ZNF74: variants seen among roughly 807,000 people sequenced by gnomAD.
The protein encoded by ZNF74 is zinc finger protein 520.
In ZNF74, 12 loss-of-function variants were observed where a neutral mutation model predicts 17.7. The ratio of observed to expected loss-of-function variants is 0.68; its 90% CI spans 0.43 to 1.10. The LOEUF (loss-of-function observed/expected upper bound fraction) is 1.10. Among genes scored for constraint, ZNF74 ranks in the 50% least tolerant of loss-of-function variants. The probability of loss-of-function intolerance (pLI) is 0.00; values close to 1 mark genes in which losing one functional copy is unlikely to be tolerated. For missense variants in ZNF74, 811 were observed against 881.0 expected, an observed-to-expected ratio of 0.92 and a Z score of 1.01; for synonymous variants, 358 against 362.1, an observed-to-expected ratio of 0.99 and a Z score of 0.13.
chr22:20,405,730 C>A lies in ZNF74; in HGVS notation c.697C>A (p.Pro233Thr), dbSNP rs758699239. The change falls in exon 5 of 5, where the codon CCC becomes ACC. Residue 233 changes from proline to threonine, a missense_variant. Around this residue, in one of 3 missense-constraint regions of ZNF74, gnomAD observed 666 missense variants for 702.3 expected, o/e 0.95. Coordinates refer to ENST00000400451, the MANE Select transcript of ZNF74 (RefSeq NM_003426.4). ...CACGCCAAGTGAGCCAGAAAAGTTC[C>A]CCCAGGTGCGCCGGCAGCGCGGGGC... ...ASTPSEPEKF[P>T]QVRRQRGAGA... 12 of 1,603,354 alleles carry A rather than the reference C, an allele frequency of 7.5e-6. No homozygotes were observed. The highest frequency in any genetic ancestry group is 1.0e-5 in the Non-Finnish European group (12 of 1,175,470).
Position 20,394,534 on chromosome 22 carries a change from C to G in ZNF74, c.-95C>G. Reference sequence around the variant, plus strand: ...CCGCGGGGCTCCGCTGCAGGCCCCTCAGCCCCAGGAGCAGTACTCGCTCTT... The same window carrying G: ...CCGCGGGGCTCCGCTGCAGGCCCCTGAGCCCCAGGAGCAGTACTCGCTCTT... On this transcript the variant is annotated 5_prime_UTR_variant, in exon 1 of 5. Transcript: ENST00000400451. The G allele has an allele frequency of 1.5e-6, 2 of 1,365,870 alleles. No homozygotes were observed. Among genetic ancestry groups the G allele is most frequent in the South Asian group, 2.4e-5 (2 of 84,060 alleles). The allele number at this position is 1,365,870 out of a possible 1,614,324, so 84.6% of individuals were successfully genotyped here. A position where few individuals can be genotyped will look rare whatever the true frequency, so the allele number is the denominator to read the frequency against.
At position 20,407,064 on chromosome 22, in the gene ZNF74, C is replaced by T; in HGVS notation, c.*96C>T. 6.8e-7 allele frequency: 1 copy of T among 1,462,862 alleles called. No individual in the cohort carries two copies. Among genetic ancestry groups the T allele is most frequent in the South Asian group, 1.4e-5 (1 of 69,842 alleles). 90.6% of individuals were successfully genotyped at this position (1,462,862 alleles called of 1,614,324 possible). A position where few individuals can be genotyped will look rare whatever the true frequency, so the allele number is the denominator to read the frequency against. On this transcript the variant is annotated 3_prime_UTR_variant, in exon 5 of 5. Coordinates refer to ENST00000400451, the MANE Select transcript of ZNF74 (RefSeq NM_003426.4). ...GCTCCTAGATCCAGACCACCTTCCTCCAGGTGTGGGAGCCTTGCCTTATCA... is the reference window on the plus strand; with the variant it reads ...GCTCCTAGATCCAGACCACCTTCCTTCAGGTGTGGGAGCCTTGCCTTATCA...
At chr22:20,396,928 T>C (rs1194242946) in intron 2 of ZNF74, among the ~76,000 whole-genome samples, 2 of 152,126 alleles carry the variant, frequency 1.3e-5, no homozygotes, top group Non-Finnish European at 2.9e-5. Context: ...TGGCCAGAAA[T>C]ACCCATCAAA....
In ZNF74 at chr22:20,394,268, TG is replaced by T; in HGVS notation, c.-359del. 1 of 706,970 alleles carries T rather than the reference TG, an allele frequency of 1.4e-6. No individual in the cohort carries two copies. The allele number at this position is 706,970 out of a possible 1,614,324, so 43.8% of individuals were successfully genotyped here. A position where few individuals can be genotyped will look rare whatever the true frequency, so the allele number is the denominator to read the frequency against. On this transcript the variant is annotated 5_prime_UTR_variant, in exon 1 of 5. Coordinates refer to ENST00000400451, the MANE Select transcript of ZNF74 (RefSeq NM_003426.4). ...TCTGTCCGCTTCGGGACCTGTCCGC[TG>T]GTCGCTCCGCGTCCGATGGCTCCTG...
intron 4 of ZNF74, among the ~76,000 whole-genome samples, chr22:20,403,999 G>T (rs2052386174): frequency 6.6e-6 from 1 of 152,152 alleles, no homozygotes; most frequent in Non-Finnish European, 1.5e-5. Context: ...CTGGCTACCT[G>T]CCATGTGTGC....
rs1344674099 is a variant in ZNF74, at chr22:20,394,284, G to T, written c.-345G>T. ...CCTGTCCGCTGGTCGCTCCGCGTCC[G>T]ATGGCTCCTGGCCGCGGAACCTTAG... On this transcript the variant is annotated 5_prime_UTR_variant, in exon 1 of 5. Coordinates refer to ENST00000400451, the MANE Select transcript of ZNF74 (RefSeq NM_003426.4). The T allele has an allele frequency of 2.8e-6, 2 of 706,458 alleles. No individual in the cohort carries two copies. Among genetic ancestry groups the T allele is most frequent in the East Asian group, 2.7e-5 (1 of 36,822 alleles). 43.8% of individuals were successfully genotyped at this position (706,458 alleles called of 1,614,324 possible).
At chr22:20,402,440 C>T (rs1373360936) in intron 4 of ZNF74, among the ~76,000 whole-genome samples, 3 of 152,138 alleles carry the variant, frequency 2.0e-5, no homozygotes, top group East Asian at 3.9e-4. Flanking sequence ...CCAGAGATGA[C>T]GGTTCTCTAA....
chr22:20,397,784 T>G (rs2052311973), intron 2 of ZNF74, among the ~76,000 whole-genome samples: 1 of 152,204 alleles, frequency 6.6e-6, no homozygotes, highest in Non-Finnish European at 1.5e-5. Context: ...AGGGCTTAAA[T>G]GACAGAAATG....
rs1021161543 is a variant in ZNF74, at chr22:20,406,626, C to T, written c.1593C>T (p.Ser531=). Reference sequence around the variant, plus strand: ...CCGGTGAGAAGCCCTACAAGTGCAGCGAGTGCGGCAGAGCCTTCAGCCAGA... The same window carrying T: ...CCGGTGAGAAGCCCTACAAGTGCAGTGAGTGCGGCAGAGCCTTCAGCCAGA... ...IHTGEKPYKC[S]ECGRAFSQNH... The change falls in exon 5 of 5, where the codon AGC becomes AGT. Residue 531 remains serine (S), a synonymous_variant. Transcript: ENST00000400451. The T allele has an allele frequency of 3.1e-6, 5 of 1,614,144 alleles. No homozygotes were observed. The highest frequency in any genetic ancestry group is 1.1e-5 in the South Asian group (1 of 91,096).
chr22:20,407,945 A>C lies in ZNF74; in HGVS notation c.*977A>C, dbSNP rs2052451437. 6.6e-6 allele frequency: 1 copy of C among 152,200 alleles called. No individual in the cohort carries two copies. The highest frequency in any genetic ancestry group is 2.1e-4 in the South Asian group (1 of 4,828). 9.4% of individuals were successfully genotyped at this position (152,200 alleles called of 1,614,324 possible). On this transcript the variant is annotated 3_prime_UTR_variant, in exon 5 of 5. Coordinates refer to ENST00000400451, the MANE Select transcript of ZNF74 (RefSeq NM_003426.4). Reference sequence around the variant, plus strand: ...ATTGGGAGCTACCAGGCAGGTGCCCAGTGCATTCAGGGAAGATGGGCACAA... The same window carrying C: ...ATTGGGAGCTACCAGGCAGGTGCCCCGTGCATTCAGGGAAGATGGGCACAA...
Position 20,407,092 on chromosome 22 carries a change from C to CT in ZNF74, c.*124_*125insT. On this transcript the variant is annotated 3_prime_UTR_variant, in exon 5 of 5. Transcript: ENST00000400451. ...GGTGTGGGAGCCTTGCCTTATCACC[C>CT]CCATCAGGTCTGCATGCCAGGGTGC... 1 of 1,427,090 alleles carries CT rather than the reference C, an allele frequency of 7.0e-7. No individual in the cohort carries two copies. The highest frequency in any genetic ancestry group is 1.5e-5 in the South Asian group (1 of 67,112). The allele number at this position is 1,427,090 out of a possible 1,614,324, so 88.4% of individuals were successfully genotyped here.
At chr22:20,396,799 G>C (rs2052298731) in intron 2 of ZNF74, among the ~76,000 whole-genome samples, 1 of 152,160 alleles carries the variant, frequency 6.6e-6, no homozygotes, top group African/African-American at 2.4e-5. Flanking sequence ...TGTGTGGTCT[G>C]TTCTGACTTC....
chr22:20,405,376 G>T lies in ZNF74; in HGVS notation c.344-1G>T. ...AGAAAATCATTTTCAATATCTTACAGAATGGGAGCTGAAGGCGGTGCCCTC... is the reference window on the plus strand; with the variant it reads ...AGAAAATCATTTTCAATATCTTACATAATGGGAGCTGAAGGCGGTGCCCTC... On this transcript the variant is annotated splice_acceptor_variant, in intron 4 of 4. Coordinates refer to ENST00000400451, the MANE Select transcript of ZNF74 (RefSeq NM_003426.4). LOFTEE classifies it high-confidence loss of function. 6.3e-7 allele frequency: 1 copy of T among 1,595,596 alleles called. No individual in the cohort carries two copies. Among genetic ancestry groups the T allele is most frequent in the Non-Finnish European group, 8.5e-7 (1 of 1,175,310 alleles).
rs140074587 is a variant in ZNF74, at chr22:20,394,254, C to T, written c.-375C>T. The T allele has an allele frequency of 3.5e-3, 2,470 of 705,964 alleles. 17 individuals are homozygous for T. The highest frequency in any genetic ancestry group is 6.0e-3 in the Admixed American group (297 of 49,744). The allele number at this position is 705,964 out of a possible 1,614,324, so 43.7% of individuals were successfully genotyped here. A position where few individuals can be genotyped will look rare whatever the true frequency, so the allele number is the denominator to read the frequency against. ...GACCGTCGGCGGTCTCTGTCCGCTT[C>T]GGGACCTGTCCGCTGGTCGCTCCGC... On this transcript the variant is annotated 5_prime_UTR_variant, in exon 1 of 5. Coordinates refer to ENST00000400451, the MANE Select transcript of ZNF74 (RefSeq NM_003426.4).
Position 20,405,476 on chromosome 22 carries a change from C to T in ZNF74, c.443C>T (p.Ala148Val), listed in dbSNP as rs762859387. The change falls in exon 5 of 5, where the codon GCG becomes GTG. Residue 148 changes from alanine to valine, a missense_variant. Physicochemically the swap from Ala to Val is moderately conservative, Grantham distance 64 (BLOSUM62 0). This residue lies in a region of ZNF74 where 666 missense variants were observed against 702.3 expected (regional missense o/e 0.95). Coordinates refer to ENST00000400451, the MANE Select transcript of ZNF74 (RefSeq NM_003426.4). ...GAGCGGCCCCTCGGCGGGGCGCAGG[C>T]GTGGGGGCGCCAGGCAGGTGCTCTG... ...IMERPLGGAQ[A>V]WGRQAGALQR... 1.9e-6 allele frequency: 3 copies of T among 1,609,130 alleles called. No homozygotes were observed. The highest frequency in any genetic ancestry group is 2.5e-6 in the Non-Finnish European group (3 of 1,178,550).
rs998261805 is a variant in ZNF74, at chr22:20,407,064, C to G, written c.*96C>G. 5 of 1,462,862 alleles carry G rather than the reference C, an allele frequency of 3.4e-6. No homozygotes were observed. The highest frequency in any genetic ancestry group is 4.5e-6 in the Non-Finnish European group (5 of 1,109,368). The allele number at this position is 1,462,862 out of a possible 1,614,324, so 90.6% of individuals were successfully genotyped here. A position where few individuals can be genotyped will look rare whatever the true frequency, so the allele number is the denominator to read the frequency against. On this transcript the variant is annotated 3_prime_UTR_variant, in exon 5 of 5. Transcript: ENST00000400451. Reference sequence around the variant, plus strand: ...GCTCCTAGATCCAGACCACCTTCCTCCAGGTGTGGGAGCCTTGCCTTATCA... The same window carrying G: ...GCTCCTAGATCCAGACCACCTTCCTGCAGGTGTGGGAGCCTTGCCTTATCA...
chr22:20,399,440 C>T, intron 2 of ZNF74: 1 of 222,960 alleles, frequency 4.5e-6, no homozygotes, highest in Non-Finnish European at 9.1e-6. Flanking sequence ...CACTTTTAAC[C>T]TATCTTTGTA....
At chr22:20,404,583 G>T (rs545809942) in intron 4 of ZNF74, among the ~76,000 whole-genome samples, 1 of 152,168 alleles carries the variant, frequency 6.6e-6, no homozygotes, top group African/African-American at 2.4e-5. Context: ...ACCTCCCAAA[G>T]TGCTGGGATT....
In ZNF74 at chr22:20,406,821, C is replaced by G. The variant is rs569785100; in HGVS notation, c.1788C>G (p.Tyr596Ter). ...IQFNKHLLST[Y>*]YVPGSLLGAG... Reference sequence around the variant, plus strand: ...TCAACAAACACCTGCTCAGCACATACTACGTGCCTGGCAGCCTGCTGGGTG... The same window carrying G: ...TCAACAAACACCTGCTCAGCACATAGTACGTGCCTGGCAGCCTGCTGGGTG... The change falls in exon 5 of 5, where the codon TAC becomes TAG. Residue 596 changes from tyrosine to a stop codon, truncating the protein, a stop_gained. Coordinates refer to ENST00000400451, the MANE Select transcript of ZNF74 (RefSeq NM_003426.4). LOFTEE classifies it low-confidence loss of function (END_TRUNC). 1 of 1,613,956 alleles carries G rather than the reference C, an allele frequency of 6.2e-7. No individual in the cohort carries two copies. Among genetic ancestry groups the G allele is most frequent in the Non-Finnish European group, 8.5e-7 (1 of 1,180,018 alleles).
Sources: gnomAD v4.1 joint callset for allele counts (sites outside exome capture counted in the v4.1 genomes callset) on GRCh38, gnomAD v4.1.1 for gene constraint, gnomAD v4.1.1 regional missense constraint, MANE v1.5 for transcripts, NCBI Gene and HGNC (gene_info 2026-07-23, HGNC 2026-07-21) for gene names.